The following ZNF577 variants were observed in gnomAD, a reference collection of about 807,000 sequenced individuals.
ZNF577 encodes zinc finger protein 577.
A neutral mutation model predicts 13.9 loss-of-function variants in ZNF577; 14 were observed. The observed-to-expected ratio is 1.00, with a 90% CI of 0.66 to 1.57. ZNF577 has a LOEUF of 1.57. Ranked by LOEUF, ZNF577 falls within the 40% of genes most tolerant of loss-of-function variation. The probability of loss-of-function intolerance (pLI) is 0.00; values close to 1 mark genes in which losing one functional copy is unlikely to be tolerated. For synonymous variants in ZNF577, 203 were observed against 202.9 expected, an observed-to-expected ratio of 1.00 and a Z score of 0.00; for missense variants, 555 against 579.2, an observed-to-expected ratio of 0.96 and a Z score of 0.43.
At chr19:51,876,237 A>T (rs1414416523) in intron 5 of ZNF577, among the ~76,000 whole-genome samples, 1 of 152,210 alleles carries the variant, frequency 6.6e-6, no homozygotes, top group Non-Finnish European at 1.5e-5. Context: ...ATACTACATG[A>T]TGGTAGAAAC....
chr19:51,880,310 A>G lies in ZNF577; in HGVS notation c.60+13T>C. 2 of 1,613,626 alleles carry G rather than the reference A, an allele frequency of 1.2e-6. No homozygotes were observed. Among genetic ancestry groups the G allele is most frequent in the East Asian group, 4.5e-5 (2 of 44,864 alleles). On this transcript the variant is annotated intron_variant, in intron 3 of 5. Coordinates refer to ENST00000638348, the MANE Select transcript of ZNF577 (RefSeq NM_001370449.1). ...AGAAGTTTCTCAAGCTCTCACAGCA[A>G]TGACAAATTTACCTCCCCTGAAGAA...
In ZNF577 at chr19:51,824,098, C is replaced by CGAT; in HGVS notation, c.*600-12425_*600-12424insATC. The CGAT allele has an allele frequency of 1.2e-6, 2 of 1,614,042 alleles. No homozygotes were observed. Among genetic ancestry groups the CGAT allele is most frequent in the Non-Finnish European group, 8.5e-7 (1 of 1,179,974 alleles). Reference sequence around the variant, plus strand: ...CTGTTTGTCAGTGTCTACCTGATCACCATCATTGCTCTGGACCGCTGTATT... The same window carrying CGAT: ...CTGTTTGTCAGTGTCTACCTGATCACGATCATCATTGCTCTGGACCGCTGTATT... On this transcript the variant is annotated intron_variant and NMD_transcript_variant, in intron 9 of 10. Transcript: ENST00000638827. This position sits in a 1 kb window ranked among gnomAD's most constrained non-coding sequence, Gnocchi z 4.7.
Position 51,870,143 on chromosome 19 carries a change from A to G in ZNF577, c.*2389T>C, listed in dbSNP as rs1023635955. Among the ~76,000 whole-genome samples, 5 of 152,204 alleles carry G rather than the reference A, an allele frequency of 3.3e-5. No homozygotes were observed. The highest frequency in any genetic ancestry group is 7.3e-5 in the Non-Finnish European group (5 of 68,034). ...AACCCATCAGTAAATTATAGTTTTT[A>G]TAATCCACTTGATTCATATGGGACA... On this transcript the variant is annotated 3_prime_UTR_variant, in exon 6 of 6. Transcript: ENST00000638348.
intron 5 of ZNF577, among the ~76,000 whole-genome samples, chr19:51,859,566 A>C (rs2084475121): frequency 6.6e-6 from 1 of 151,254 alleles, no homozygotes; most frequent in South Asian, 2.1e-4. Context: ...ATTTTAGGTA[A>C]ATCTTTTATA....
chr19:51,816,810 G>A (rs1409232697), intron 9 of ZNF577, among the ~76,000 whole-genome samples: 2 of 152,180 alleles, frequency 1.3e-5, no homozygotes, highest in Non-Finnish European at 2.9e-5. Context: ...TTCATTGTAG[G>A]ATAGACAGTG....
At chr19:51,823,872 C>G in intron 9 of ZNF577, 1 of 1,614,050 alleles carries the variant, frequency 6.2e-7, no homozygotes, top group East Asian at 2.2e-5. Context: ...CTTCGGGGTC[C>G]TGGGCAATGG....
rs779095086 is a variant in ZNF577, at chr19:51,868,166, T to C, written c.*4366A>G. On this transcript the variant is annotated 3_prime_UTR_variant, in exon 6 of 6. Coordinates refer to ENST00000638348, the MANE Select transcript of ZNF577 (RefSeq NM_001370449.1). The stretch of plus-strand genomic sequence containing the variant: ...ACATAAATCATCTTCCCACTTGTAA[T>C]AGAAGTTCTTTTTAAAAGTTGCTGA... 2.6e-5 allele frequency among the ~76,000 whole-genome samples: 4 copies of C among 152,196 alleles called. No individual in the cohort carries two copies. Among genetic ancestry groups the C allele is most frequent in the East Asian group, 1.9e-4 (1 of 5,196 alleles).
In ZNF577 at chr19:51,807,216, T is replaced by TG. The variant is rs111702324; in HGVS notation, c.*818-1963dup. ...ATCAGGCAAAAGAGATAGCAGGAAG[T>TG]GGGGGGGGTGGTTGCTGGCTAGCAG... On this transcript the variant is annotated intron_variant and NMD_transcript_variant, in intron 10 of 10. Transcript: ENST00000638827. Among the ~76,000 whole-genome samples the TG allele has an allele frequency of 7.1e-4, 107 of 151,450 alleles. 2 individuals carry two copies. Among genetic ancestry groups the TG allele is most frequent in the Admixed American group, 4.6e-3 (70 of 15,222 alleles).
At chr19:51,858,178 G>A (rs2084458368) in intron 5 of ZNF577, among the ~76,000 whole-genome samples, 1 of 152,190 alleles carries the variant, frequency 6.6e-6, no homozygotes, top group African/African-American at 2.4e-5. Context: ...TTCTTCCACA[G>A]AAACCATGGG....
At chr19:51,857,530 T>C (rs762424587) in intron 5 of ZNF577, among the ~76,000 whole-genome samples, 51 of 152,290 alleles carry the variant, frequency 3.3e-4, no homozygotes, top group African/African-American at 9.6e-4. Context: ...CTTGGTAGAA[T>C]TGGGGATATG....
intron 9 of ZNF577, chr19:51,817,552 T>A (rs1342501535): frequency 6.6e-6 from 1 of 151,944 alleles, no homozygotes; most frequent in South Asian, 2.1e-4. Flanking sequence ...CTATTCCCAC[T>A]GTATGGAAAA....
At chr19:51,825,845 T>G (rs935384141) in intron 9 of ZNF577, 3 of 167,088 alleles carry the variant, frequency 1.8e-5, no homozygotes, top group African/African-American at 7.2e-5. Context: ...GGGAAAAGAG[T>G]ACAAGAGAAG....
chr19:51,884,682 T>C (rs550166288), intron 1 of ZNF577, among the ~76,000 whole-genome samples: 1 of 152,336 alleles, frequency 6.6e-6, no homozygotes, highest in East Asian at 1.9e-4. Context: ...TGCTTTTCCA[T>C]TGATTTTCAT....
intron 8 of ZNF577, chr19:51,840,419 G>A (rs1301845286): frequency 6.6e-6 from 1 of 152,384 alleles, no homozygotes; most frequent in Non-Finnish European, 1.5e-5. Flanking sequence ...GCAGAGGGTG[G>A]ATTCTGGGAA....
intron 5 of ZNF577, among the ~76,000 whole-genome samples, chr19:51,875,430 G>A (rs2084744146): frequency 6.6e-6 from 1 of 151,362 alleles, no homozygotes; most frequent in Non-Finnish European, 1.5e-5. Flanking sequence ...ACTAGTTCTT[G>A]GAAGTAAAAC....
At chr19:51,823,953 C>G in intron 9 of ZNF577, 2 of 1,614,092 alleles carry the variant, frequency 1.2e-6, no homozygotes, top group Non-Finnish European at 1.7e-6. Context: ...GAACCTGGCC[C>G]TAGCTGACTT....
chr19:51,887,296 T>C lies in ZNF577; in HGVS notation c.-694A>G, dbSNP rs767523643. ...CAATTTAAAAAACTCTCAAAGAGCA[T>C]GTAATATGGGAATACGAAGTTGACA... On this transcript the variant is annotated 5_prime_UTR_variant, in exon 1 of 6. The change abolishes an upstream ATG in the 5' untranslated region. Coordinates refer to ENST00000638348, the MANE Select transcript of ZNF577 (RefSeq NM_001370449.1). 2 of 152,182 alleles carry C rather than the reference T, an allele frequency of 1.3e-5. No homozygotes were observed. Among genetic ancestry groups the C allele is most frequent in the Non-Finnish European group, 1.5e-5 (1 of 68,040 alleles). The allele number at this position is 152,182 out of a possible 1,614,324, so 9.4% of individuals were successfully genotyped here. A position where few individuals can be genotyped will look rare whatever the true frequency, so the allele number is the denominator to read the frequency against.
intron 9 of ZNF577, among the ~76,000 whole-genome samples, chr19:51,829,014 T>G (rs2084246950): frequency 6.6e-6 from 1 of 152,182 alleles, no homozygotes; most frequent in Non-Finnish European, 1.5e-5. Context: ...GAGCTATATA[T>G]GCTGCTCTTG....
chr19:51,806,148 A>G (rs1257799346), intron 10 of ZNF577, among the ~76,000 whole-genome samples: 3 of 152,174 alleles, frequency 2.0e-5, no homozygotes, highest in African/African-American at 7.2e-5. Flanking sequence ...TCGTGACTCC[A>G]GTCGGCCTTC....
Sources: gnomAD v4.1 joint callset for allele counts (sites outside exome capture counted in the v4.1 genomes callset) on GRCh38, gnomAD v4.1.1 for gene constraint, Gnocchi (gnomAD v3.1) non-coding constraint, MANE v1.5 for transcripts, NCBI Gene and HGNC (gene_info 2026-07-23, HGNC 2026-07-21) for gene names.